Variants in PHC2 observed in about 807,000 individuals in gnomAD.
PHC2 encodes the protein polyhomeotic-like protein 2.
Under a neutral mutation model 87.4 loss-of-function variants are expected in PHC2, and 29 were observed. The ratio of observed to expected loss-of-function variants is 0.33; its 90% CI spans 0.25 to 0.45. The LOEUF is 0.45. Ranked by LOEUF, PHC2 falls within the 20% of genes least tolerant of loss-of-function variation. The pLI, the probability that PHC2 is intolerant of heterozygous loss-of-function variation, is 1.00. For synonymous variants in PHC2, 438 were observed against 461.7 expected, an observed-to-expected ratio of 0.95 and a Z score of 0.66; for missense variants, 857 against 1,136.7, an observed-to-expected ratio of 0.75 and a Z score of 3.54.
chr1:33,400,885 T>TA (rs2148375543), intron 1 of PHC2, among the ~76,000 whole-genome samples: 1 of 152,206 alleles, frequency 6.6e-6, no homozygotes, highest in Admixed American at 6.5e-5. Context: ...TTTGTGTTAG[T>TA]AAAAAAGGAG....
chr1:33,334,365 A>G lies in PHC2; in HGVS notation c.1559-73T>C, dbSNP rs1646576933. ...AGTCCACGCCCAGGGAGGGACAGCA[A>G]GGACTCAAACTGCGCCCGGCTTTTA... is the stretch of plus-strand genomic sequence containing the variant. On this transcript the variant is annotated intron_variant, in intron 9 of 14. Transcript: ENST00000683057. The surrounding 1 kb of genome is among the most constrained non-coding windows in gnomAD (Gnocchi z 5.5). 7.0e-7 allele frequency: 1 copy of G among 1,420,290 alleles called. No individual in the cohort carries two copies. Among genetic ancestry groups the G allele is most frequent in the Admixed American group, 1.9e-5 (1 of 52,250 alleles). The allele number at this position is 1,420,290 out of a possible 1,614,324, so 88.0% of individuals were successfully genotyped here.
At chr1:33,351,669 T>A (rs1051989790) in intron 9 of PHC2, among the ~76,000 whole-genome samples, 5 of 152,118 alleles carry the variant, frequency 3.3e-5, no homozygotes, top group Non-Finnish European at 7.3e-5. Context: ...ATACACAGAA[T>A]GGGCCGGGCG....
At chr1:33,367,612 G>A (rs908122590) in intron 6 of PHC2, among the ~76,000 whole-genome samples, 184 bp from the exon 7 acceptor site, 5 of 152,170 alleles carry the variant, frequency 3.3e-5, no homozygotes, top group African/African-American at 7.2e-5. Flanking sequence ...GCTAAAGAGG[G>A]CCAGAGGGTT....
At chr1:33,409,521 C>T (rs1261289586) in intron 1 of PHC2, among the ~76,000 whole-genome samples, 1 of 152,102 alleles carries the variant, frequency 6.6e-6, no homozygotes, top group African/African-American at 2.4e-5. Context: ...ATGCTTATTC[C>T]TCTCCCCCAA....
In PHC2 at chr1:33,416,953, A is replaced by C. The variant is rs114355623; in HGVS notation, c.-55+14023T>G. Among the ~76,000 whole-genome samples, 870 of 152,244 alleles carry C rather than the reference A, an allele frequency of 5.7e-3. 11 individuals are homozygous for C. The highest frequency in any genetic ancestry group is 0.02 in the African/African-American group (850 of 41,576). ...TGACTACTTAAAGTAATAATAAAAC[A>C]TGTTAAATAAAATACATGACAATAA... On this transcript the variant is annotated intron_variant, in intron 1 of 14. Transcript: ENST00000683057.
intron 1 of PHC2, among the ~76,000 whole-genome samples, chr1:33,390,948 C>A (rs1191458153): frequency 1.3e-5 from 2 of 152,110 alleles, no homozygotes; most frequent in Non-Finnish European, 2.9e-5. Flanking sequence ...TTGGGTGGAT[C>A]TTTAAAGACA....
chr1:33,381,203 T>C (rs1343616226), intron 1 of PHC2, among the ~76,000 whole-genome samples: 1 of 152,202 alleles, frequency 6.6e-6, no homozygotes, highest in African/African-American at 2.4e-5. Flanking sequence ...GCCTGTCTCC[T>C]AGCACTTACA....
chr1:33,416,349 C>T (rs1193228977), intron 1 of PHC2, among the ~76,000 whole-genome samples: 2 of 151,062 alleles, frequency 1.3e-5, no homozygotes, highest in Non-Finnish European at 3.0e-5. Context: ...GGGTGGATCA[C>T]GAGGTCAGGA....
intron 1 of PHC2, among the ~76,000 whole-genome samples, chr1:33,424,168 ATAC>A (rs1360013311): frequency 6.6e-6 from 1 of 152,200 alleles, no homozygotes; most frequent in African/African-American, 2.4e-5. Flanking sequence ...GAGTAAATTA[ATAC>A]TATTATAGAG....
At chr1:33,328,437 A>C (rs1221783271) in intron 14 of PHC2, among the ~76,000 whole-genome samples, 1 of 142,176 alleles carries the variant, frequency 7.0e-6, no homozygotes, top group Non-Finnish European at 1.5e-5. Context: ...GCTGTTCTCA[A>C]ACTCCTGACC....
At chr1:33,398,837 G>A (rs191122231) in intron 1 of PHC2, among the ~76,000 whole-genome samples, 282 of 152,250 alleles carry the variant, frequency 1.9e-3, no homozygotes, top group Middle Eastern at 0.01. Context: ...CACAACAGAG[G>A]GCACAGTTGG....
intron 1 of PHC2, among the ~76,000 whole-genome samples, chr1:33,380,197 T>C (rs1215416086): frequency 1.3e-5 from 2 of 152,238 alleles, no homozygotes; most frequent in African/African-American, 4.8e-5. Flanking sequence ...AGAATATGAC[T>C]AGATTTTAAG....
intron 9 of PHC2, chr1:33,346,276 G>A: frequency 1.0e-6 from 1 of 985,398 alleles, no homozygotes; most frequent in Non-Finnish European, 1.2e-6. Context: ...CTCACTCCAG[G>A]ACAGTCTCCT....
Position 33,349,552 on chromosome 1 carries a change from C to G in PHC2, c.1558+4849G>C. ...CTTCCAGTGCGGCGAGCGCGGCCCC[C>G]GGCCTCCCTACTGGCGAGAACCCCT... On this transcript the variant is annotated intron_variant, in intron 9 of 14. Coordinates refer to ENST00000683057, the MANE Select transcript of PHC2 (RefSeq NM_001385109.1). This position sits in a 1 kb window ranked among gnomAD's most constrained non-coding sequence, Gnocchi z 4.2. The G allele has an allele frequency of 5.1e-6, 5 of 981,372 alleles. No homozygotes were observed. Among genetic ancestry groups the G allele is most frequent in the Non-Finnish European group, 6.0e-6 (5 of 826,620 alleles). 60.8% of individuals were successfully genotyped at this position (981,372 alleles called of 1,614,324 possible). A position where few individuals can be genotyped will look rare whatever the true frequency, so the allele number is the denominator to read the frequency against.
chr1:33,400,671 G>A (rs988275360), intron 1 of PHC2, among the ~76,000 whole-genome samples: 1 of 152,150 alleles, frequency 6.6e-6, no homozygotes, highest in African/African-American at 2.4e-5. Flanking sequence ...CAGAACTCAA[G>A]CTCTTAACCA....
intron 1 of PHC2, among the ~76,000 whole-genome samples, chr1:33,430,465 G>T (rs930866528): frequency 6.6e-6 from 1 of 152,016 alleles, no homozygotes; most frequent in African/African-American, 2.4e-5. Context: ...GCTGGGGAGC[G>T]GGCGCCCCGG....
chr1:33,336,786 C>T (rs1381134880), intron 9 of PHC2: 4 of 152,354 alleles, frequency 2.6e-5, no homozygotes, highest in Admixed American at 2.0e-4. Flanking sequence ...GGGACACCTG[C>T]GTAGCCAGCC....
At chr1:33,326,447 A>G (rs541467523) in intron 14 of PHC2, 1 of 152,714 alleles carries the variant, frequency 6.5e-6, no homozygotes, top group African/African-American at 2.4e-5. Context: ...TTTTCTAGGC[A>G]TGCCTCGCAG....
rs1646917786 is a variant in PHC2 at position 33,349,544 on chromosome 1, G to A, written c.1558+4857C>T. 1 of 981,450 alleles carries A rather than the reference G, an allele frequency of 1.0e-6. No individual in the cohort carries two copies. Among genetic ancestry groups the A allele is most frequent in the Non-Finnish European group, 1.2e-6 (1 of 826,776 alleles). The allele number at this position is 981,450 out of a possible 1,614,324, so 60.8% of individuals were successfully genotyped here. ...GTGCCCGACTTCCAGTGCGGCGAGCGCGGCCCCCGGCCTCCCTACTGGCGA... is the reference window on the plus strand; with the variant it reads ...GTGCCCGACTTCCAGTGCGGCGAGCACGGCCCCCGGCCTCCCTACTGGCGA... On this transcript the variant is annotated intron_variant, in intron 9 of 14. Coordinates refer to ENST00000683057, the MANE Select transcript of PHC2 (RefSeq NM_001385109.1). The surrounding 1 kb of genome is among the most constrained non-coding windows in gnomAD (Gnocchi z 4.2).
Sources: allele counts gnomAD v4.1 joint callset (sites outside exome capture counted in the v4.1 genomes callset), GRCh38; gene constraint gnomAD v4.1.1; non-coding constraint Gnocchi (gnomAD v3.1); transcripts MANE v1.5; gene names NCBI Gene and HGNC (gene_info 2026-07-23, HGNC 2026-07-21).